The following TMEFF2 variants were observed in gnomAD, a reference collection of about 807,000 sequenced individuals.
TMEFF2 encodes the protein transmembrane protein with EGF like and two follistatin like domains 2, also known as tomoregulin-2.
A neutral mutation model predicts 53.8 loss-of-function variants in TMEFF2; 28 were observed. The ratio of observed to expected loss-of-function variants is 0.52; its 90% CI spans 0.39 to 0.71. The LOEUF is 0.71. TMEFF2 is among the 30% of genes least tolerant of loss of function. The pLI, the probability that TMEFF2 is intolerant of heterozygous loss-of-function variation, is 0.00. For missense variants in TMEFF2, 353 were observed against 455.2 expected (o/e 0.78, Z 2.04); for synonymous variants, 162 against 166.3 (o/e 0.97, Z 0.20).
intron 4 of TMEFF2, among the ~76,000 whole-genome samples, chr2:192,139,024 A>G (rs1272614675): frequency 6.6e-6 from 1 of 152,202 alleles, no homozygotes; most frequent in African/African-American, 2.4e-5. Context: ...TCTGTATCCA[A>G]GGAAACCATC....
intron 5 of TMEFF2, among the ~76,000 whole-genome samples, chr2:192,009,798 A>G (rs972269201): frequency 7.2e-5 from 11 of 152,200 alleles, no homozygotes; most frequent in African/African-American, 2.7e-4. Flanking sequence ...TTAAGATCAA[A>G]AGCAAATATG....
At chr2:192,188,841 A>T (rs866226169) in intron 2 of TMEFF2, among the ~76,000 whole-genome samples, 5 of 115,534 alleles carry the variant, frequency 4.3e-5, no homozygotes, top group East Asian at 5.5e-4. Flanking sequence ...CTATCTATCT[A>T]TCTATCTATC....
intron 4 of TMEFF2, among the ~76,000 whole-genome samples, chr2:192,086,033 T>C (rs1192237927): frequency 3.3e-5 from 5 of 152,178 alleles, no homozygotes; most frequent in African/African-American, 7.2e-5. Context: ...ATCAATACTA[T>C]AGGCCATTGC....
chr2:192,088,192 A>T (rs1559120857), intron 4 of TMEFF2, among the ~76,000 whole-genome samples: 2 of 150,004 alleles, frequency 1.3e-5, no homozygotes, highest in Non-Finnish European at 1.5e-5. Flanking sequence ...TCAAATAGTT[A>T]TTTTTTTTTT....
chr2:192,057,215 TA>T (rs1288547782), intron 5 of TMEFF2, among the ~76,000 whole-genome samples: 58 of 112,530 alleles, frequency 5.2e-4, no homozygotes, highest in African/African-American at 1.3e-3. Context: ...AGCTAATTAT[TA>T]TTATTTTTTT....
intron 4 of TMEFF2, among the ~76,000 whole-genome samples, chr2:192,125,522 T>C (rs1455778806): frequency 6.6e-6 from 1 of 152,186 alleles, no homozygotes; most frequent in Non-Finnish European, 1.5e-5. Flanking sequence ...AGCTAACTAC[T>C]AATTTCATTT....
intron 4 of TMEFF2, among the ~76,000 whole-genome samples, chr2:192,139,245 T>C (rs768467066): frequency 3.3e-5 from 5 of 152,224 alleles, no homozygotes; most frequent in Non-Finnish European, 4.4e-5. Context: ...GTGATATAAA[T>C]ACTGTTTTTG....
chr2:192,088,382 C>T lies in TMEFF2; in HGVS notation c.440-30607G>A, dbSNP rs149652493. Among the ~76,000 whole-genome samples, 95 of 152,044 alleles carry T rather than the reference C, an allele frequency of 6.2e-4. 1 individual carries two copies. The highest frequency in any genetic ancestry group is 6.8e-3 in the Middle Eastern group (2 of 294). On this transcript the variant is annotated intron_variant, in intron 4 of 9. Coordinates refer to ENST00000272771, the MANE Select transcript of TMEFF2 (RefSeq NM_016192.4). ...TCCAATAGCTGGGGAAATATGCGGT[C>T]GATGGATTTTTAGCTGATGGAGTGT... is the stretch of plus-strand genomic sequence containing the variant.
intron 4 of TMEFF2, among the ~76,000 whole-genome samples, chr2:192,120,822 C>T (rs6434537): frequency 0.44 from 66,169 of 151,696 alleles, 15,446 homozygotes; most frequent in East Asian, 0.72. Context: ...CCACAACCTC[C>T]GCCTCCCAGG....
chr2:192,084,324 A>G (rs1227961488), intron 4 of TMEFF2, among the ~76,000 whole-genome samples: 1 of 152,182 alleles, frequency 6.6e-6, no homozygotes, highest in Non-Finnish European at 1.5e-5. Flanking sequence ...TCTCTGTTCC[A>G]CAGCAAAATT....
intron 4 of TMEFF2, among the ~76,000 whole-genome samples, chr2:192,065,291 C>T (rs549311401): frequency 2.0e-5 from 3 of 151,862 alleles, no homozygotes; most frequent in South Asian, 2.1e-4. Flanking sequence ...ACATGTAAGA[C>T]GTCCCATTTA....
rs563093018 is a variant in TMEFF2 at position 192,037,338 on chromosome 2, A to G, written c.536+20341T>C. On this transcript the variant is annotated intron_variant, in intron 5 of 9. Coordinates refer to ENST00000272771, the MANE Select transcript of TMEFF2 (RefSeq NM_016192.4). The stretch of plus-strand genomic sequence containing the variant: ...GAAAGAAAGAAAGAAAGAAAGAAAA[A>G]CAGAAAACAGAAAAAAAAACCTCTC... 2.0e-3 allele frequency among the ~76,000 whole-genome samples: 298 copies of G among 147,718 alleles called. 7 individuals carry two copies. The highest frequency in any genetic ancestry group is 3.5e-3 in the Middle Eastern group (1 of 286).
rs376899527 is a variant in TMEFF2 at position 192,161,271 on chromosome 2, C to T, written c.439+18397G>A. ...GCAACCTCCGCCTTCCGTGTTCAAG[C>T]GATTCTCCCTAGTAGCTGGGATTAC... On this transcript the variant is annotated intron_variant, in intron 4 of 9. Coordinates refer to ENST00000272771, the MANE Select transcript of TMEFF2 (RefSeq NM_016192.4). Among the ~76,000 whole-genome samples, 126 of 152,120 alleles carry T rather than the reference C, an allele frequency of 8.3e-4. 2 individuals are homozygous for T. In the South Asian group the frequency reaches 0.025, roughly 30 times the overall value.
chr2:192,186,905 G>A (rs151238423), intron 2 of TMEFF2, among the ~76,000 whole-genome samples: 30 of 152,178 alleles, frequency 2.0e-4, no homozygotes, highest in Admixed American at 5.9e-4. Flanking sequence ...TTAAAATATC[G>A]AATAAACTGA....
At chr2:192,017,041 T>C (rs971696193) in intron 5 of TMEFF2, among the ~76,000 whole-genome samples, 2 of 152,200 alleles carry the variant, frequency 1.3e-5, no homozygotes, top group Non-Finnish European at 2.9e-5. Context: ...AGAGAAGGAA[T>C]GTAAGTCGAG....
chr2:191,994,321 A>T lies in TMEFF2; in HGVS notation c.745+3941T>A, dbSNP rs190353489. On this transcript the variant is annotated intron_variant, in intron 7 of 9. Transcript: ENST00000272771. Reference sequence around the variant, plus strand: ...TGAAAACTGGTGTAGGATGTCATAAAATAAAAAACATTTTATTTTCTAGAT... The same window carrying T: ...TGAAAACTGGTGTAGGATGTCATAATATAAAAAACATTTTATTTTCTAGAT... Among the ~76,000 whole-genome samples, 285 of 152,042 alleles carry T rather than the reference A, an allele frequency of 1.9e-3. 3 individuals carry two copies. Among genetic ancestry groups the T allele is most frequent in the African/African-American group, 6.6e-3 (273 of 41,518 alleles).
At chr2:192,018,699 T>A (rs1325283269) in intron 5 of TMEFF2, among the ~76,000 whole-genome samples, 1 of 152,170 alleles carries the variant, frequency 6.6e-6, no homozygotes, top group African/African-American at 2.4e-5. Flanking sequence ...TTTGATCCAA[T>A]ATATTTTCAG....
chr2:192,075,729 A>G (rs1688417436), intron 4 of TMEFF2, among the ~76,000 whole-genome samples: 1 of 151,990 alleles, frequency 6.6e-6, no homozygotes, highest in African/African-American at 2.4e-5. Context: ...TTTTGCCCTA[A>G]TTGCAAAATA....
At chr2:192,143,195 T>C (rs773125044) in intron 4 of TMEFF2, among the ~76,000 whole-genome samples, 45 of 152,084 alleles carry the variant, frequency 3.0e-4, no homozygotes, top group Non-Finnish European at 6.2e-4. Context: ...TTTTAACAAC[T>C]ATATTGTTCA....
Sources: allele counts gnomAD v4.1 joint callset (sites outside exome capture counted in the v4.1 genomes callset), GRCh38; gene constraint gnomAD v4.1.1; transcripts MANE v1.5; gene names NCBI Gene and HGNC (gene_info 2026-07-23, HGNC 2026-07-21).